KCNV2: variants seen among roughly 807,000 people sequenced by gnomAD.
The protein encoded by KCNV2 is potassium voltage-gated channel modifier subfamily V member 2.
A neutral mutation model predicts 37.0 loss-of-function variants in KCNV2; 65 were observed. That is an observed-to-expected ratio of 1.76 (90% confidence interval 1.44 to 2.16). The LOEUF (loss-of-function observed/expected upper bound fraction) is 2.16, where lower values mean the gene tolerates loss of function less well. KCNV2 is among the 30% of genes most tolerant of loss of function. KCNV2 has a pLI of 0.00. For missense variants in KCNV2, 1,232 were observed against 766.7 expected (o/e 1.61, Z -7.17); for synonymous variants, 518 against 328.6 (o/e 1.58, Z -6.23).
chr9:2,722,425 G>GAAGTTATTTATAAAT (rs1307471408), intron 1 of KCNV2, among the ~76,000 whole-genome samples: 1 of 136,682 alleles, frequency 7.3e-6, no homozygotes, highest in African/African-American at 2.9e-5. Context: ...TTTATAAATA[G>GAAGTTATTTATAAAT]AAGTTATTTA....
In KCNV2 at chr9:2,717,797, G is replaced by A. The variant is rs76776637; in HGVS notation, c.58G>A (p.Glu20Lys). Residue 20 changes from glutamate to lysine, a missense_variant, in exon 1 of 2, where the codon GAG becomes AAG. By Grantham distance (56) the Glu-to-Lys change is moderately conservative. Transcript: ENST00000382082. ...GAGCTACAGGCCCTGGAACACGACG[G>A]AGAATGAGGGCAGCCAACACCGCAG... Reference protein sequence around the residue: ...SWSYRPWNTTENEGSQHRRSI... With the variant: ...SWSYRPWNTTKNEGSQHRRSI... 629 of 1,614,252 alleles carry A rather than the reference G, an allele frequency of 3.9e-4. 2 individuals carry two copies. In the African/African-American group the frequency reaches 7.3e-3, roughly 19 times the overall value.
At chr9:2,720,752 A>G (rs977779819) in intron 1 of KCNV2, among the ~76,000 whole-genome samples, 2 of 152,366 alleles carry the variant, frequency 1.3e-5, no homozygotes, top group South Asian at 2.1e-4. Flanking sequence ...CTGATACTAC[A>G]GTTTGAACCC....
rs866471820 is a variant in KCNV2, at chr9:2,729,943, A to G, written c.*216A>G. ...TTGTGTGAAACATCTGACCTTCTCAATGACGTTGATATTGAAAACCTGAGG... is the reference window on the plus strand; with the variant it reads ...TTGTGTGAAACATCTGACCTTCTCAGTGACGTTGATATTGAAAACCTGAGG... On this transcript the variant is annotated 3_prime_UTR_variant, in exon 2 of 2. Transcript: ENST00000382082. 5 of 567,246 alleles carry G rather than the reference A, an allele frequency of 8.8e-6. No homozygotes were observed. The highest frequency in any genetic ancestry group is 1.6e-5 in the Non-Finnish European group (5 of 321,120). 35.1% of individuals were successfully genotyped at this position (567,246 alleles called of 1,614,324 possible).
At position 2,717,934 on chromosome 9, in the gene KCNV2, C is replaced by T. The variant is rs769721071; in HGVS notation, c.195C>T (p.Asp65=). The change falls in exon 1 of 2, where the codon GAC becomes GAT. Residue 65 remains aspartate (D), a synonymous_variant. Coordinates refer to ENST00000382082, the MANE Select transcript of KCNV2 (RefSeq NM_133497.4). ...AAGACGAAGACGGCGAGGAGGAGGACCAGTGGAAGGACGACCTGGCAGAAG... is the reference window on the plus strand; with the variant it reads ...AAGACGAAGACGGCGAGGAGGAGGATCAGTGGAAGGACGACCTGGCAGAAG... ...IEEDEDGEEE[D]QWKDDLAEED... The T allele has an allele frequency of 6.2e-7, 1 of 1,614,002 alleles. No individual in the cohort carries two copies. The highest frequency in any genetic ancestry group is 8.5e-7 in the Non-Finnish European group (1 of 1,179,890).
At chr9:2,724,611 A>T (rs1819939953) in intron 1 of KCNV2, among the ~76,000 whole-genome samples, 1 of 152,228 alleles carries the variant, frequency 6.6e-6, no homozygotes, top group East Asian at 1.9e-4. Flanking sequence ...GCCTCTGTGT[A>T]GCTGTTGCAA....
In KCNV2 at chr9:2,718,920, C is replaced by T. The variant is rs1819807818; in HGVS notation, c.1181C>T (p.Ser394Phe). The T allele has an allele frequency of 5.0e-6, 8 of 1,609,142 alleles. No homozygotes were observed. The highest frequency in any genetic ancestry group is 1.3e-5 in the African/African-American group (1 of 74,956). ...CGCATCCTCAAGCTGGCGCGCCACT[C>T]CACCGGACTGCGTGCCTTCGGCTTC... ...IFRILKLARH[S>F]TGLRAFGFTL... The change falls in exon 1 of 2, where the codon TCC (serine) becomes TTC (phenylalanine). Residue 394 changes from serine to phenylalanine, a missense_variant. Transcript: ENST00000382082.
rs561576420 is a variant in KCNV2, at chr9:2,729,701, C to A, written c.1612C>A (p.Gln538Lys). ...TGAGTGTTTGCTTGGAAGCAACCCACAGCTCACCCCAAGACAAGAGAATTA... is the reference window on the plus strand; with the variant it reads ...TGAGTGTTTGCTTGGAAGCAACCCAAAGCTCACCCCAAGACAAGAGAATTA... Reference protein sequence around the residue: ...IAECLLGSNPQLTPRQEN With the variant: ...IAECLLGSNPKLTPRQEN The change falls in exon 2 of 2, where the codon CAG becomes AAG. Residue 538 changes from glutamine to lysine, a missense_variant. Coordinates refer to ENST00000382082, the MANE Select transcript of KCNV2 (RefSeq NM_133497.4). 1.2e-6 allele frequency: 2 copies of A among 1,614,112 alleles called. No individual in the cohort carries two copies. The highest frequency in any genetic ancestry group is 1.3e-5 in the African/African-American group (1 of 75,050).
In KCNV2 at chr9:2,717,745, C is replaced by G. The variant is rs1246827465; in HGVS notation, c.6C>G (p.Leu2=). The G allele has an allele frequency of 6.2e-7, 1 of 1,614,020 alleles. No individual in the cohort carries two copies. The highest frequency in any genetic ancestry group is 8.5e-7 in the Non-Finnish European group (1 of 1,179,914). The change falls in exon 1 of 2, where the codon CTC becomes CTG. Residue 2 remains leucine (L), a synonymous_variant. Coordinates refer to ENST00000382082, the MANE Select transcript of KCNV2 (RefSeq NM_133497.4). M[L]KQSERRRSWS... is the part of the protein sequence containing the mutation. ...GGCGTCCACTTTCCGCAGCCATGCT[C>G]AAACAGAGTGAGAGGAGACGGTCCT...
At chr9:2,723,963 CT>C (rs35077369) in intron 1 of KCNV2, among the ~76,000 whole-genome samples, 7,927 of 116,386 alleles carry the variant, frequency 0.068, 678 homozygotes, top group African/African-American at 0.22. Context: ...TTTTCTTTTA[CT>C]TTTTTTTTTT....
At position 2,729,508 on chromosome 9, in the gene KCNV2, T is replaced by C. The variant is rs376822283; in HGVS notation, c.1419T>C (p.Phe473=). Residue 473 remains phenylalanine (F), a synonymous_variant, in exon 2 of 2, where the codon TTT becomes TTC. Coordinates refer to ENST00000382082, the MANE Select transcript of KCNV2 (RefSeq NM_133497.4). ...CAGAGACCCACCTGGGCAGGTTTTT[T>C]GCCTTCCTCTGCATTGCTTTTGGGA... ...MYPETHLGRF[F]AFLCIAFGII... is the part of the protein sequence containing the mutation. 9 of 1,614,168 alleles carry C rather than the reference T, an allele frequency of 5.6e-6. No individual in the cohort carries two copies. Among genetic ancestry groups the C allele is most frequent in the Non-Finnish European group, 7.6e-6 (9 of 1,180,018 alleles).
At chr9:2,723,948 G>A (rs1255457055) in intron 1 of KCNV2, among the ~76,000 whole-genome samples, 1 of 150,178 alleles carries the variant, frequency 6.7e-6, no homozygotes, top group Admixed American at 6.6e-5. Context: ...GTGTGGGTAT[G>A]GTTTTTTTCT....
chr9:2,720,327 C>T (rs1819842710), intron 1 of KCNV2: 1 of 152,186 alleles, frequency 6.6e-6, no homozygotes, highest in Non-Finnish European at 1.5e-5. Context: ...CCCTCACTTC[C>T]AGTCCTGCTT....
rs1234585050 is a variant in KCNV2 at position 2,718,484 on chromosome 9, C to T, written c.745C>T (p.Leu249Phe). 2 of 1,610,642 alleles carry T rather than the reference C, an allele frequency of 1.2e-6. No homozygotes were observed. Among genetic ancestry groups the T allele is most frequent in the Non-Finnish European group, 1.7e-6 (2 of 1,179,162 alleles). Residue 249 changes from leucine to phenylalanine, a missense_variant, in exon 1 of 2, where the codon CTC (leucine) becomes TTC (phenylalanine). Transcript: ENST00000382082. ...CCCGCAGCGGCGCCGCCTCTGGAAC[C>T]TCATGGAGAAGCCATTCTCCTCGGT... ...YGPQRRRLWN[L>F]MEKPFSSVAA...
rs149893780 is a variant in KCNV2, at chr9:2,718,224, A to T, written c.485A>T (p.Tyr162Phe). ...GACCCGGCCGTCTTCCAGCTGGTCT[A>T]CAATTTCTACCTGTCCGGGGTGCTG... is the stretch of plus-strand genomic sequence containing the variant. ...DRDPAVFQLV[Y>F]NFYLSGVLLV... The change falls in exon 1 of 2, where the codon TAC becomes TTC. Residue 162 changes from tyrosine (Y) to phenylalanine (F), a missense_variant. By Grantham distance (22) the Tyr-to-Phe change is conservative (BLOSUM62 3). Coordinates refer to ENST00000382082, the MANE Select transcript of KCNV2 (RefSeq NM_133497.4). The T allele has an allele frequency of 4.6e-5, 75 of 1,613,380 alleles. No individual in the cohort carries two copies. The highest frequency in any genetic ancestry group is 1.7e-5 in the Admixed American group (1 of 59,998).
intron 1 of KCNV2, among the ~76,000 whole-genome samples, chr9:2,722,008 T>C (rs1469041216): frequency 7.1e-6 from 1 of 140,510 alleles, no homozygotes; most frequent in African/African-American, 2.7e-5. Context: ...CCATGATAAA[T>C]GTGTATTTAT....
Position 2,718,274 on chromosome 9 carries a change from C to G in KCNV2, c.535C>G (p.Arg179Gly). The G allele has an allele frequency of 1.2e-6, 2 of 1,612,220 alleles. No individual in the cohort carries two copies. The highest frequency in any genetic ancestry group is 1.7e-6 in the Non-Finnish European group (2 of 1,179,874). The change falls in exon 1 of 2, where the codon CGC becomes GGC. Residue 179 changes from arginine to glycine, a missense_variant. Coordinates refer to ENST00000382082, the MANE Select transcript of KCNV2 (RefSeq NM_133497.4). ...VLLVLDGLCPRRFLEELGYWG... is the reference protein window; with the variant it reads ...VLLVLDGLCPGRFLEELGYWG... ...GCTGGTGCTCGACGGGCTGTGTCCGCGCCGCTTCCTGGAGGAGCTGGGCTA... is the reference window on the plus strand; with the variant it reads ...GCTGGTGCTCGACGGGCTGTGTCCGGGCCGCTTCCTGGAGGAGCTGGGCTA...
chr9:2,727,865 G>C (rs757195029), intron 1 of KCNV2, among the ~76,000 whole-genome samples: 1 of 152,206 alleles, frequency 6.6e-6, no homozygotes, highest in East Asian at 1.9e-4. Context: ...TATTCAGCTG[G>C]GAAGTGGATT....
intron 1 of KCNV2, among the ~76,000 whole-genome samples, chr9:2,719,930 T>C (rs1819835080): frequency 6.6e-6 from 1 of 152,266 alleles, no homozygotes; most frequent in Admixed American, 6.5e-5. Context: ...TAACTTGTGC[T>C]GTTTACTCAA....
intron 1 of KCNV2, among the ~76,000 whole-genome samples, chr9:2,728,244 C>T (rs1819999915): frequency 6.6e-6 from 1 of 152,166 alleles, no homozygotes; most frequent in Admixed American, 6.5e-5. Context: ...AACAAGATGA[C>T]CATATGCTTT....
Sources: allele counts gnomAD v4.1 joint callset (sites outside exome capture counted in the v4.1 genomes callset), GRCh38; gene constraint gnomAD v4.1.1; transcripts MANE v1.5; gene names NCBI Gene and HGNC (gene_info 2026-07-23, HGNC 2026-07-21).